GRIK2: variants seen among roughly 807,000 people sequenced by gnomAD.
The protein encoded by GRIK2 is glutamate receptor ionotropic, kainate 2.
Under a neutral mutation model 100.3 loss-of-function variants are expected in GRIK2, and 32 were observed. That is an observed-to-expected ratio of 0.32 (90% CI 0.24 to 0.43). GRIK2 has a LOEUF of 0.43. Among genes scored for constraint, GRIK2 ranks in the 20% least tolerant of loss-of-function variants. The pLI is 1.00. For missense variants in GRIK2, 843 were observed against 1,114.9 expected (o/e 0.76, Z 3.47); for synonymous variants, 417 against 389.4 (o/e 1.07, Z -0.83).
intron 2 of GRIK2, among the ~76,000 whole-genome samples, chr6:101,478,213 T>C (rs1772347610): frequency 6.6e-6 from 1 of 152,288 alleles, no homozygotes. Flanking sequence ...TTTTGAGTCC[T>C]TGAAAATTAT....
intron 16 of GRIK2, among the ~76,000 whole-genome samples, chr6:102,065,142 T>G (rs1049369399): frequency 1.3e-5 from 2 of 151,254 alleles, no homozygotes; most frequent in Non-Finnish European, 3.0e-5. Flanking sequence ...CTTGATTAAA[T>G]TTTTACTTTC....
At chr6:101,640,545 G>T (rs763458200) in intron 4 of GRIK2, among the ~76,000 whole-genome samples, 4 of 152,120 alleles carry the variant, frequency 2.6e-5, no homozygotes, top group African/African-American at 9.7e-5. Flanking sequence ...AGCAGACCTG[G>T]CTTTTATGAG....
intron 4 of GRIK2, among the ~76,000 whole-genome samples, chr6:101,653,010 T>C (rs1781875657): frequency 6.6e-6 from 1 of 151,144 alleles, no homozygotes; most frequent in African/African-American, 2.4e-5. Flanking sequence ...ATAAACCTTC[T>C]CCTCTGTCTC....
intron 14 of GRIK2, among the ~76,000 whole-genome samples, chr6:101,976,755 G>A (rs1793403685): frequency 6.6e-6 from 1 of 151,604 alleles, no homozygotes; most frequent in Non-Finnish European, 1.5e-5. Flanking sequence ...TTAGAAAATA[G>A]AGGAGGCATA....
At chr6:102,024,752 C>G (rs1769605212) in intron 14 of GRIK2, among the ~76,000 whole-genome samples, 1 of 151,072 alleles carries the variant, frequency 6.6e-6, no homozygotes, top group Non-Finnish European at 1.5e-5. Flanking sequence ...AATAATGTGG[C>G]TATCCTTCTA....
intron 2 of GRIK2, among the ~76,000 whole-genome samples, chr6:101,586,144 T>C (rs899159575): frequency 1.3e-5 from 2 of 151,754 alleles, no homozygotes; most frequent in African/African-American, 4.8e-5. Context: ...CACCCAGGAA[T>C]AAGAAGCAAT....
At chr6:101,503,634 G>T (rs1017470313) in intron 2 of GRIK2, among the ~76,000 whole-genome samples, 4 of 152,052 alleles carry the variant, frequency 2.6e-5, no homozygotes, top group Non-Finnish European at 5.9e-5. Context: ...GGTCAAAAGG[G>T]GTAACTTTGT....
chr6:101,937,442 A>G (rs1352024272), intron 14 of GRIK2, among the ~76,000 whole-genome samples: 1 of 152,132 alleles, frequency 6.6e-6, no homozygotes, highest in Admixed American at 6.6e-5. Flanking sequence ...GATAATGGAT[A>G]ATAGTTGTCA....
chr6:102,018,988 G>T (rs1391416815), intron 14 of GRIK2, among the ~76,000 whole-genome samples: 1 of 151,976 alleles, frequency 6.6e-6, no homozygotes, highest in Non-Finnish European at 1.5e-5. Context: ...GAAGGGGTTT[G>T]AAATAATAGT....
At chr6:101,709,089 A>G (rs1351393308) in intron 7 of GRIK2, among the ~76,000 whole-genome samples, 1 of 151,944 alleles carries the variant, frequency 6.6e-6, no homozygotes, top group Admixed American at 6.6e-5. Context: ...AGAAGAGGGA[A>G]ATTGGAACAC....
chr6:102,004,866 T>C (rs903301534), intron 14 of GRIK2, among the ~76,000 whole-genome samples: 5 of 151,432 alleles, frequency 3.3e-5, no homozygotes, highest in Non-Finnish European at 5.9e-5. Flanking sequence ...TGCATTTTTT[T>C]TTTCTTTCTT....
intron 2 of GRIK2, among the ~76,000 whole-genome samples, chr6:101,494,276 C>T (rs1773311388): frequency 6.6e-6 from 1 of 151,098 alleles, no homozygotes. Flanking sequence ...AGGTCTACTA[C>T]TGCTCGAACT....
At chr6:101,451,693 TGAGGGG>T (rs981866404) in intron 2 of GRIK2, among the ~76,000 whole-genome samples, 22 of 52,128 alleles carry the variant, frequency 4.2e-4, no homozygotes, top group Middle Eastern at 8.5e-3. Context: ...TATTTATCTC[TGAGGGG>T]GGGGGGGGTG....
At chr6:102,000,325 A>G (rs1292320020) in intron 14 of GRIK2, among the ~76,000 whole-genome samples, 1 of 141,254 alleles carries the variant, frequency 7.1e-6, no homozygotes, top group Non-Finnish European at 1.5e-5. Flanking sequence ...GGTCTGTTAC[A>G]TGGAAATATT....
intron 2 of GRIK2, among the ~76,000 whole-genome samples, chr6:101,556,841 TG>T (rs1265943504): frequency 1.3e-5 from 2 of 152,206 alleles, no homozygotes; most frequent in Non-Finnish European, 2.9e-5. Flanking sequence ...ACCATTCTGC[TG>T]TATTTCAGAG....
chr6:101,413,022 G>A (rs796107973), intron 2 of GRIK2, among the ~76,000 whole-genome samples: 3 of 152,076 alleles, frequency 2.0e-5, no homozygotes, highest in African/African-American at 7.2e-5. Flanking sequence ...ATTCCTGGCA[G>A]GTAGCCAGAC....
chr6:102,036,226 AG>A (rs1213435980), intron 15 of GRIK2, among the ~76,000 whole-genome samples: 16 of 116,508 alleles, frequency 1.4e-4, no homozygotes, highest in Non-Finnish European at 2.2e-4. Context: ...TGGTGCCGTA[AG>A]TAAACACACA....
intron 14 of GRIK2, among the ~76,000 whole-genome samples, chr6:101,991,811 A>C (rs1794391023): frequency 6.6e-6 from 1 of 151,574 alleles, no homozygotes; most frequent in Admixed American, 6.6e-5. Flanking sequence ...TGACATTAAA[A>C]GTTCTATGTT....
chr6:101,963,576 T>A (rs1160927149), intron 14 of GRIK2, among the ~76,000 whole-genome samples: 2 of 148,268 alleles, frequency 1.3e-5, no homozygotes, highest in Non-Finnish European at 3.0e-5. Flanking sequence ...ATGATCTTGA[T>A]CTCCTGACCT....
Sources: allele counts gnomAD v4.1 joint callset (sites outside exome capture counted in the v4.1 genomes callset), GRCh38; gene constraint gnomAD v4.1.1; transcripts MANE v1.5; gene names NCBI Gene and HGNC (gene_info 2026-07-23, HGNC 2026-07-21).